NEK10: variants seen among roughly 807,000 people sequenced by gnomAD.
NEK10 encodes the protein serine/threonine-protein kinase Nek10.
In NEK10, 122 loss-of-function variants were observed where a neutral mutation model predicts 159.8. That is an observed-to-expected ratio of 0.76 (90% CI 0.66 to 0.89). NEK10 has a LOEUF of 0.89. NEK10 is among the 40% of genes least tolerant of loss of function. NEK10 has a pLI of 0.00. For synonymous variants in NEK10, 466 were observed against 457.1 expected, an observed-to-expected ratio of 1.02 and a Z score of -0.25; for missense variants, 1,342 against 1,323.1, an observed-to-expected ratio of 1.01 and a Z score of -0.22.
In NEK10 at chr3:27,282,548, A is replaced by ATATATATATACACATAACTGTGT. The variant is rs2042249077; in HGVS notation, c.2014+2053_2014+2054insACACAGTTATGTGTATATATATA. Among the ~76,000 whole-genome samples the ATATATATATACACATAACTGTGT allele has an allele frequency of 7.0e-5, 7 of 100,554 alleles. 1 individual carries two copies. Among genetic ancestry groups the ATATATATATACACATAACTGTGT allele is most frequent in the African/African-American group, 1.6e-4 (4 of 24,996 alleles). 66.0% of individuals were successfully genotyped at this position (100,554 alleles called of 152,430 possible). A position where few individuals can be genotyped will look rare whatever the true frequency, so the allele number is the denominator to read the frequency against. On this transcript the variant is annotated intron_variant, in intron 22 of 35. Transcript: ENST00000691995. ...ATATACATAAATGTGTTATATATAT[A>ATATATATATACACATAACTGTGT]TATATATATATACATAACTGTGTTA...
intron 4 of NEK10, among the ~76,000 whole-genome samples, chr3:27,345,487 T>C (rs1213753318): frequency 6.6e-6 from 1 of 152,228 alleles, no homozygotes; most frequent in African/African-American, 2.4e-5. Flanking sequence ...TTCATATTGA[T>C]ATTTCATGCC....
intron 20 of NEK10, 46 bp from the exon 21 acceptor site, chr3:27,285,007 G>T: frequency 6.7e-7 from 1 of 1,490,850 alleles, no homozygotes; most frequent in Non-Finnish European, 9.1e-7. Flanking sequence ...ACTCAATACA[G>T]GCATCTTGAA....
chr3:27,288,327 G>C (rs1346714512), intron 19 of NEK10, among the ~76,000 whole-genome samples: 1 of 152,188 alleles, frequency 6.6e-6, no homozygotes, highest in Non-Finnish European at 1.5e-5. Flanking sequence ...AGGCTCCTCT[G>C]AGTCCTCTTC....
intron 23 of NEK10, among the ~76,000 whole-genome samples, chr3:27,244,951 C>A (rs1022630391): frequency 1.3e-5 from 2 of 152,176 alleles, no homozygotes; most frequent in African/African-American, 4.8e-5. Context: ...ATTGGGCTAC[C>A]ACACTTTTTC....
chr3:27,156,653 TA>T (rs1276572186), intron 30 of NEK10, among the ~76,000 whole-genome samples: 2 of 151,612 alleles, frequency 1.3e-5, no homozygotes, highest in Non-Finnish European at 2.9e-5. Flanking sequence ...CAGAAAACAG[TA>T]GATATTGGCA....
intron 25 of NEK10, among the ~76,000 whole-genome samples, chr3:27,193,061 G>A (rs963280419): frequency 3.9e-5 from 6 of 152,138 alleles, no homozygotes; most frequent in African/African-American, 1.2e-4. Flanking sequence ...TCATTAAACT[G>A]GTATGGTGTT....
intron 22 of NEK10, chr3:27,265,491 C>A (rs2040811335): frequency 6.6e-6 from 1 of 152,146 alleles, no homozygotes; most frequent in Non-Finnish European, 1.5e-5. Context: ...ATAGTGATAT[C>A]TCAGTATAGT....
At chr3:27,249,327 A>G (rs182346198) in intron 23 of NEK10, among the ~76,000 whole-genome samples, 1 of 152,302 alleles carries the variant, frequency 6.6e-6, no homozygotes, top group Non-Finnish European at 1.5e-5. Flanking sequence ...TTGAAAACAG[A>G]CTAATACAAT....
At chr3:27,311,874 G>C in intron 8 of NEK10, 1 of 478,544 alleles carries the variant, frequency 2.1e-6, no homozygotes. Context: ...AGCCTCTCTT[G>C]CATTAAATAA....
chr3:27,142,392 A>T (rs1173754557), intron 30 of NEK10, among the ~76,000 whole-genome samples: 1 of 152,146 alleles, frequency 6.6e-6, no homozygotes, highest in Non-Finnish European at 1.5e-5. Flanking sequence ...AAGAGACTTC[A>T]GATATGTGAT....
At chr3:27,245,711 A>G (rs978799314) in intron 23 of NEK10, among the ~76,000 whole-genome samples, 2 of 152,210 alleles carry the variant, frequency 1.3e-5, no homozygotes, top group African/African-American at 2.4e-5. Context: ...CATCCAATAC[A>G]TATCTGAAAT....
chr3:27,172,197 T>A lies in NEK10; in HGVS notation c.2777-324A>T, dbSNP rs139622262. Among the ~76,000 whole-genome samples the A allele has an allele frequency of 5.3e-5, 8 of 151,804 alleles. No individual in the cohort carries two copies. In the East Asian group the frequency reaches 1.6e-3, roughly 29 times the overall value. ...AAAAAGTACAAAAATTAGCTGGGTG[T>A]GGTGGAGCATGCCTGTAGTCCCAGC... On this transcript the variant is annotated intron_variant, in intron 28 of 35. Coordinates refer to ENST00000691995, the MANE Select transcript of NEK10 (RefSeq NM_001394966.1).
intron 30 of NEK10, among the ~76,000 whole-genome samples, chr3:27,152,676 A>C (rs778598387): frequency 2.3e-4 from 35 of 152,218 alleles, no homozygotes; most frequent in Non-Finnish European, 4.1e-4. Context: ...CAATACTAAC[A>C]TTGAATGTAA....
intron 23 of NEK10, among the ~76,000 whole-genome samples, chr3:27,238,987 C>T (rs1954270022): frequency 6.6e-6 from 1 of 151,852 alleles, no homozygotes; most frequent in African/African-American, 2.4e-5. Context: ...TGATTGGTTG[C>T]AAGAGTCAAC....
rs1264717580 is a variant in NEK10, at chr3:27,108,030, G to A, written c.*3242C>T. ...CAGTCTTCACACATCTTAAAAATGA[G>A]TGGTGATTAATTAATGATATTTCTG... On this transcript the variant is annotated 3_prime_UTR_variant, in exon 36 of 36. Transcript: ENST00000691995. Among the ~76,000 whole-genome samples, 2 of 152,168 alleles carry A rather than the reference G, an allele frequency of 1.3e-5. No individual in the cohort carries two copies. The highest frequency in any genetic ancestry group is 4.8e-5 in the African/African-American group (2 of 41,442).
chr3:27,358,873 T>C (rs1449216907), intron 1 of NEK10, among the ~76,000 whole-genome samples: 1 of 152,236 alleles, frequency 6.6e-6, no homozygotes, highest in Non-Finnish European at 1.5e-5. Flanking sequence ...CTCCATTTTA[T>C]TTACTACATT....
intron 6 of NEK10, among the ~76,000 whole-genome samples, chr3:27,320,742 A>G (rs1485319205): frequency 6.6e-6 from 1 of 152,218 alleles, no homozygotes; most frequent in Non-Finnish European, 1.5e-5. Context: ...CTAAATTACA[A>G]TAGCACGAGG....
In NEK10 at chr3:27,304,722, TAGGCC is replaced by T. The variant is rs764865113; in HGVS notation, c.1028+20_1028+24del. The T allele has an allele frequency of 8.4e-5, 125 of 1,496,496 alleles. 1 individual carries two copies. In the Admixed American group the frequency reaches 2.1e-3, roughly 25 times the overall value. The allele number at this position is 1,496,496 out of a possible 1,614,324, so 92.7% of individuals were successfully genotyped here. A position where few individuals can be genotyped will look rare whatever the true frequency, so the allele number is the denominator to read the frequency against. On this transcript the variant is annotated intron_variant, in intron 12 of 35. Coordinates refer to ENST00000691995, the MANE Select transcript of NEK10 (RefSeq NM_001394966.1). ...CCAGACTTCAACAAACAGGGCAAAG[TAGGCC>T]AAAGCCCACTTTTACTCACCCTTGT...
chr3:27,166,336 T>C (rs556828097), intron 29 of NEK10, among the ~76,000 whole-genome samples: 2 of 152,322 alleles, frequency 1.3e-5, no homozygotes, highest in Admixed American at 6.5e-5. Context: ...CAGGAAAGTA[T>C]AGAACTATTA....
Sources: allele counts gnomAD v4.1 joint callset (sites outside exome capture counted in the v4.1 genomes callset), GRCh38; gene constraint gnomAD v4.1.1; transcripts MANE v1.5; gene names NCBI Gene and HGNC (gene_info 2026-07-23, HGNC 2026-07-21).